Variants in SUGCT observed in about 807,000 individuals in gnomAD.
SUGCT encodes the protein succinyl-CoA:glutarate-CoA transferase.
SUGCT carries 41 observed loss-of-function variants against 55.0 expected under a neutral mutation model. The observed-to-expected ratio is 0.74, with a 90% CI of 0.58 to 0.97. The LOEUF (loss-of-function observed/expected upper bound fraction) is 0.97. Ranked by LOEUF, SUGCT falls within the 50% of genes least tolerant of loss-of-function variation. The pLI, the probability that SUGCT is intolerant of heterozygous loss-of-function variation, is 0.00. For synonymous variants in SUGCT, 187 were observed against 200.4 expected (o/e 0.93, Z 0.56); for missense variants, 568 against 547.8 (o/e 1.04, Z -0.37).
intron 13 of SUGCT, among the ~76,000 whole-genome samples, chr7:40,800,255 T>TG (rs1440679932): frequency 2.1e-5 from 3 of 146,266 alleles, no homozygotes; most frequent in East Asian, 2.0e-4. Context: ...GAGGCAGGAG[T>TG]GGGGGCAGGG....
intron 7 of SUGCT, among the ~76,000 whole-genome samples, chr7:40,249,344 T>TATATATATATATATATATAA (rs1172651937): frequency 5.5e-5 from 7 of 128,122 alleles, no homozygotes; most frequent in African/African-American, 2.0e-4. Flanking sequence ...TATATATATA[T>TATATATATATATATATATAA]ATAATTATAT....
At chr7:40,493,852 A>G (rs549455263) in intron 11 of SUGCT, among the ~76,000 whole-genome samples, 1 of 152,232 alleles carries the variant, frequency 6.6e-6, no homozygotes, top group African/African-American at 2.4e-5. Context: ...AGATCAAGAG[A>G]TAGATTTTTA....
chr7:40,655,731 TA>T (rs2151845773), intron 12 of SUGCT, among the ~76,000 whole-genome samples: 1 of 152,316 alleles, frequency 6.6e-6, no homozygotes, highest in East Asian at 1.9e-4. Context: ...ATGTTCAGTT[TA>T]CCACAATCAT....
At chr7:40,973,141 A>G in the SUGCT span, among the ~76,000 whole-genome samples, 1 of 152,166 alleles carries the variant, frequency 6.6e-6, no homozygotes, top group Non-Finnish European at 1.5e-5. Flanking sequence ...CTTAGAAACA[A>G]CATTGCCTCT....
At chr7:40,653,227 A>G (rs985755193) in intron 12 of SUGCT, among the ~76,000 whole-genome samples, 3 of 152,200 alleles carry the variant, frequency 2.0e-5, no homozygotes, top group African/African-American at 4.8e-5. Flanking sequence ...AGCACCTGGC[A>G]TATATTAAAT....
At chr7:40,238,496 T>A (rs1459189202) in intron 7 of SUGCT, among the ~76,000 whole-genome samples, 1 of 152,170 alleles carries the variant, frequency 6.6e-6, no homozygotes, top group African/African-American at 2.4e-5. Context: ...ACAAACTAGA[T>A]TGATGGCCTT....
At chr7:40,771,255 G>A (rs1394653745) in intron 13 of SUGCT, among the ~76,000 whole-genome samples, 1 of 152,056 alleles carries the variant, frequency 6.6e-6, no homozygotes, top group African/African-American at 2.4e-5. Flanking sequence ...ATACAGTTTA[G>A]AAAGGTGTAG....
chr7:40,513,102 T>C (rs909519839), intron 12 of SUGCT, among the ~76,000 whole-genome samples: 2 of 152,088 alleles, frequency 1.3e-5, no homozygotes, highest in Non-Finnish European at 2.9e-5. Flanking sequence ...ATGGTGGAGC[T>C]TTAGTTTAGA....
At chr7:40,185,526 T>C (rs1562560730) in intron 3 of SUGCT, among the ~76,000 whole-genome samples, 2 of 152,200 alleles carry the variant, frequency 1.3e-5, no homozygotes, top group African/African-American at 2.4e-5. Context: ...GGATTTATTG[T>C]CTTCTTTTTT....
At chr7:40,376,312 C>T (rs1174005821) in intron 9 of SUGCT, among the ~76,000 whole-genome samples, 1 of 151,786 alleles carries the variant, frequency 6.6e-6, no homozygotes, top group Non-Finnish European at 1.5e-5. Context: ...TAATTAGTTG[C>T]CTACTTATTA....
chr7:40,140,575 A>G (rs1787929866), intron 1 of SUGCT, among the ~76,000 whole-genome samples: 1 of 151,830 alleles, frequency 6.6e-6, no homozygotes, highest in Non-Finnish European at 1.5e-5. Context: ...TAATTTTTGT[A>G]TTTTTAGTAG....
chr7:40,314,667 C>T (rs901212700), intron 8 of SUGCT, among the ~76,000 whole-genome samples: 15 of 148,188 alleles, frequency 1.0e-4, no homozygotes, highest in Non-Finnish European at 7.4e-5. Context: ...TGGGTTCAAG[C>T]GATTCTCCTG....
chr7:40,556,998 T>TA (rs1161423306), intron 12 of SUGCT, among the ~76,000 whole-genome samples: 1 of 152,114 alleles, frequency 6.6e-6, no homozygotes, highest in Non-Finnish European at 1.5e-5. Flanking sequence ...TTTACAGAAA[T>TA]AAAAAACCCA....
intron 12 of SUGCT, among the ~76,000 whole-genome samples, chr7:40,533,766 T>A (rs946800209): frequency 1.3e-5 from 2 of 152,180 alleles, no homozygotes; most frequent in Non-Finnish European, 2.9e-5. Flanking sequence ...TAATAACTTT[T>A]GTGAACATTT....
chr7:40,309,991 A>G (rs1009460097), intron 8 of SUGCT, among the ~76,000 whole-genome samples: 2 of 152,158 alleles, frequency 1.3e-5, no homozygotes, highest in African/African-American at 4.8e-5. Flanking sequence ...CTAAATAATT[A>G]TGTAGATACT....
the SUGCT span, among the ~76,000 whole-genome samples, chr7:40,950,021 C>A: frequency 6.6e-6 from 1 of 152,136 alleles, no homozygotes; most frequent in Non-Finnish European, 1.5e-5. Flanking sequence ...ATAGGGATGT[C>A]ATTGAATCTA....
intron 13 of SUGCT, among the ~76,000 whole-genome samples, chr7:40,778,441 C>T (rs900904635): frequency 3.3e-5 from 5 of 152,228 alleles, no homozygotes; most frequent in Admixed American, 1.3e-4. Context: ...TTAAAATTTA[C>T]ATTTGTCTAC....
chr7:40,180,147 C>T (rs535597907), intron 1 of SUGCT, among the ~76,000 whole-genome samples: 158 of 150,614 alleles, frequency 1.0e-3, no homozygotes, highest in African/African-American at 3.7e-3. Flanking sequence ...TTTTTTGAGA[C>T]GGTGTCTTGC....
chr7:40,797,323 T>C (rs1790596971), intron 13 of SUGCT, among the ~76,000 whole-genome samples: 1 of 152,206 alleles, frequency 6.6e-6, no homozygotes, highest in Non-Finnish European at 1.5e-5. Context: ...TAAAACTGTT[T>C]TTTTTAATTT....
Sources: gnomAD v4.1 joint callset for allele counts (sites outside exome capture counted in the v4.1 genomes callset) on GRCh38, gnomAD v4.1.1 for gene constraint, MANE v1.5 for transcripts, NCBI Gene and HGNC (gene_info 2026-07-23, HGNC 2026-07-21) for gene names.